SFXN5: variants seen among roughly 807,000 people sequenced by gnomAD.
SFXN5 encodes the protein sideroflexin 5, also known as sideroflexin-5.
In SFXN5, 43 loss-of-function variants were observed where a neutral mutation model predicts 50.2. The observed-to-expected ratio is 0.86, with a 90% CI of 0.67 to 1.11. SFXN5 has a LOEUF of 1.11. Among genes scored for constraint, SFXN5 ranks in the 50% least tolerant of loss-of-function variants. SFXN5 has a pLI of 0.00. For synonymous variants in SFXN5, 203 were observed against 185.8 expected (o/e 1.09, Z -0.75); for missense variants, 463 against 454.1 (o/e 1.02, Z -0.18).
intron 3 of SFXN5, among the ~76,000 whole-genome samples, chr2:73,037,025 C>A (rs1679072347): frequency 6.6e-6 from 1 of 152,254 alleles, no homozygotes; most frequent in South Asian, 2.1e-4. Context: ...GGGCATCTGG[C>A]CAAGGTGCTG....
intron 9 of SFXN5, among the ~76,000 whole-genome samples, chr2:72,991,958 A>T (rs1672659653): frequency 6.6e-6 from 1 of 152,268 alleles, no homozygotes; most frequent in African/African-American, 2.4e-5. Context: ...AATAGAAATT[A>T]ACCAAACAGG....
chr2:73,014,249 G>A (rs1489070785), intron 6 of SFXN5, among the ~76,000 whole-genome samples: 1 of 152,164 alleles, frequency 6.6e-6, no homozygotes, highest in Non-Finnish European at 1.5e-5. Flanking sequence ...ATAAGGTGAT[G>A]TAGAGATCTG....
chr2:72,998,874 G>A (rs1274951167), intron 9 of SFXN5, 75 bp downstream of exon 9: 3 of 1,513,382 alleles, frequency 2.0e-6, no homozygotes, highest in African/African-American at 2.8e-5. Context: ...CCTCAGACAA[G>A]CATCCACCTG....
intron 2 of SFXN5, among the ~76,000 whole-genome samples, chr2:73,057,864 G>A (rs892078975): frequency 6.6e-6 from 1 of 152,114 alleles, no homozygotes; most frequent in African/African-American, 2.4e-5. Flanking sequence ...TGTGAAGAAG[G>A]TGCCTGCTTC....
chr2:73,005,942 C>G (rs1481666162), intron 6 of SFXN5, among the ~76,000 whole-genome samples: 2 of 152,056 alleles, frequency 1.3e-5, no homozygotes, highest in Non-Finnish European at 1.5e-5. Context: ...GAGATTGAGT[C>G]TTTGGTCCAG....
rs199575746 is a variant in SFXN5, at chr2:73,020,272, C to T, written c.332-8G>A. On this transcript the variant is annotated splice_region_variant and splice_polypyrimidine_tract_variant and intron_variant, in intron 5 of 13. Transcript: ENST00000272433. Reference sequence around the variant, plus strand: ...TCCCAAAAGGAATATAACCTGTGAACGAGAAGAAAAGAGTCAGGCCTTATA... The same window carrying T: ...TCCCAAAAGGAATATAACCTGTGAATGAGAAGAAAAGAGTCAGGCCTTATA... 358 of 1,613,920 alleles carry T rather than the reference C, an allele frequency of 2.2e-4. 1 individual carries two copies. In the African/African-American group the frequency reaches 3.4e-3, roughly 15 times the overall value.
intron 12 of SFXN5, among the ~76,000 whole-genome samples, chr2:72,966,278 G>C (rs375285838): frequency 1.6e-4 from 24 of 152,338 alleles, no homozygotes; most frequent in African/African-American, 5.5e-4. Context: ...TGTGGTACAA[G>C]TAACAGAGTA....
At chr2:72,962,476 G>A (rs1337903999) in intron 12 of SFXN5, among the ~76,000 whole-genome samples, 1 of 152,202 alleles carries the variant, frequency 6.6e-6, no homozygotes, top group African/African-American at 2.4e-5. Flanking sequence ...CTGGGCAACT[G>A]GTTAAAAATG....
intron 6 of SFXN5, among the ~76,000 whole-genome samples, chr2:73,015,900 T>A (rs1429097425): frequency 6.7e-6 from 1 of 149,616 alleles, no homozygotes; most frequent in African/African-American, 2.5e-5. Context: ...ATCGCATCAC[T>A]GCACTCCAGC....
At chr2:72,975,850 A>G (rs1670561660) in intron 10 of SFXN5, among the ~76,000 whole-genome samples, 1 of 152,270 alleles carries the variant, frequency 6.6e-6, no homozygotes, top group Non-Finnish European at 1.5e-5. Flanking sequence ...AGGCAATGCA[A>G]TTAAAGACAG....
intron 13 of SFXN5, among the ~76,000 whole-genome samples, chr2:72,958,585 A>G (rs1007386190): frequency 6.6e-6 from 1 of 152,088 alleles, no homozygotes; most frequent in African/African-American, 2.4e-5. Context: ...CTATAAACAC[A>G]TGGGTGACTC....
intron 3 of SFXN5, among the ~76,000 whole-genome samples, chr2:73,025,085 C>G (rs1313209766): frequency 1.3e-5 from 2 of 151,926 alleles, no homozygotes; most frequent in Admixed American, 6.6e-5. Flanking sequence ...AAGCCAAAAG[C>G]AGAATCACTG....
intron 2 of SFXN5, among the ~76,000 whole-genome samples, chr2:73,041,434 G>C (rs1310075843): frequency 3.3e-5 from 5 of 152,130 alleles, no homozygotes; most frequent in African/African-American, 7.2e-5. Flanking sequence ...GCTCACACCT[G>C]TAATCCCAGC....
chr2:72,954,599 G>A (rs983004673), intron 13 of SFXN5, among the ~76,000 whole-genome samples: 3 of 152,092 alleles, frequency 2.0e-5, no homozygotes, highest in Non-Finnish European at 2.9e-5. Flanking sequence ...TCCCCTGCCC[G>A]CAGCCCCAGC....
intron 1 of SFXN5, among the ~76,000 whole-genome samples, chr2:73,060,125 G>A (rs534006784): frequency 6.6e-6 from 1 of 152,280 alleles, no homozygotes; most frequent in South Asian, 2.1e-4. Context: ...ATGACATCCA[G>A]ATCCTGGTCC....
chr2:73,044,651 GAAAC>G (rs1316220153), intron 2 of SFXN5: 2 of 152,394 alleles, frequency 1.3e-5, no homozygotes, highest in Non-Finnish European at 2.9e-5. Context: ...TTTTCAACCA[GAAAC>G]AAACAGGCAC....
chr2:72,988,192 C>T (rs1302603718), intron 10 of SFXN5, 66 bp downstream of exon 10: 12 of 1,464,764 alleles, frequency 8.2e-6, no homozygotes, highest in African/African-American at 1.4e-5. Flanking sequence ...TCATCTGTCT[C>T]CCTGGGAGCC....
chr2:72,979,354 C>T (rs1671014768), intron 10 of SFXN5, among the ~76,000 whole-genome samples: 1 of 138,742 alleles, frequency 7.2e-6, no homozygotes. Context: ...AAAAAACAGG[C>T]CGAGTGCAGT....
intron 13 of SFXN5, among the ~76,000 whole-genome samples, chr2:72,955,113 C>T (rs1171468948): frequency 6.6e-6 from 1 of 152,208 alleles, no homozygotes; most frequent in African/African-American, 2.4e-5. Flanking sequence ...TGCCCCCCTG[C>T]TCCCCGTACC....
Sources: allele counts gnomAD v4.1 joint callset (sites outside exome capture counted in the v4.1 genomes callset), GRCh38; gene constraint gnomAD v4.1.1; transcripts MANE v1.5; gene names NCBI Gene and HGNC (gene_info 2026-07-23, HGNC 2026-07-21).